Variants in TEX11 observed in about 807,000 individuals in gnomAD.
The protein encoded by TEX11 is testis-expressed protein 11.
TEX11 carries 7 observed loss-of-function variants against 84.4 expected under a neutral mutation model. The observed-to-expected ratio is 0.08, with a 90% CI of 0.05 to 0.16. TEX11 has a LOEUF of 0.16. TEX11 is among the 10% of genes least tolerant of loss of function. The pLI is 1.00. For missense variants in TEX11, 551 were observed against 660.5 expected, an observed-to-expected ratio of 0.83 and a Z score of 1.82; for synonymous variants, 264 against 222.8, an observed-to-expected ratio of 1.18 and a Z score of -1.64.
rs376793868 is a variant in TEX11, at chrX:70,744,182, T to C, written c.730A>G (p.Thr244Ala). 9.5e-7 allele frequency: 1 copy of C among 1,050,176 alleles called. No homozygotes were observed. The highest frequency in any genetic ancestry group is 1.2e-6 in the Non-Finnish European group (1 of 809,398). The allele number at this position is 1,050,176 out of a possible 1,213,427, so 86.5% of individuals were successfully genotyped here. ...YDIGKMDKKS[T>A]GPEMLAKVLR... ...ATCCTTACCAGCATTTCTGGCCCAG[T>C]AGATTTCTTATCCATCTTCCCAATA... Residue 244 changes from threonine (T) to alanine (A), a missense_variant, in exon 10 of 30, where the codon ACT (threonine) becomes GCT (alanine). Thr to Ala is a moderately conservative substitution (Grantham distance 58). Transcript: ENST00000374333.
chrX:70,532,410 G>A (rs769724340), intron 28 of TEX11, among the ~76,000 whole-genome samples: 1 of 112,560 alleles, frequency 8.9e-6, no homozygotes, highest in Admixed American at 9.4e-5. Flanking sequence ...ACAGACCTCC[G>A]TGTGGGAAAA....
chrX:70,768,605 A>C (rs996228935), intron 9 of TEX11, among the ~76,000 whole-genome samples: 3 of 111,349 alleles, frequency 2.7e-5, no homozygotes, highest in African/African-American at 9.8e-5. Context: ...CAAAGGGGGA[A>C]GAGCCCCTGA....
At chrX:70,813,187 C>A (rs2091267315) in intron 8 of TEX11, among the ~76,000 whole-genome samples, 1 of 111,694 alleles carries the variant, frequency 9.0e-6, no homozygotes, top group African/African-American at 3.3e-5. Flanking sequence ...AACATCAATG[C>A]AAAAATCCTC....
chrX:70,614,905 G>A (rs1214595303), intron 20 of TEX11, among the ~76,000 whole-genome samples: 1 of 111,016 alleles, frequency 9.0e-6, no homozygotes, highest in Non-Finnish European at 1.9e-5. Context: ...GTTTCTGCTT[G>A]GTAATCTAGA....
intron 13 of TEX11, among the ~76,000 whole-genome samples, chrX:70,710,213 C>T (rs1230935346): frequency 2.7e-5 from 3 of 110,941 alleles, no homozygotes; most frequent in African/African-American, 6.5e-5. Flanking sequence ...TGCACCAATA[C>T]GCATAAGGAA....
At chrX:70,897,001 G>A (rs1377211673) in intron 2 of TEX11, among the ~76,000 whole-genome samples, 4 of 106,111 alleles carry the variant, frequency 3.8e-5, no homozygotes, top group Non-Finnish European at 7.7e-5. Flanking sequence ...ATGTGGTGGC[G>A]TGCACCTGCA....
At chrX:70,777,027 A>C (rs1040856843) in intron 9 of TEX11, among the ~76,000 whole-genome samples, 3 of 108,258 alleles carry the variant, frequency 2.8e-5, no homozygotes, top group African/African-American at 6.7e-5. Context: ...ATATTCTTTT[A>C]TTTATTTATT....
chrX:70,849,459 A>G (rs1233173181), intron 7 of TEX11, among the ~76,000 whole-genome samples: 1 of 112,045 alleles, frequency 8.9e-6, no homozygotes, highest in Non-Finnish European at 1.9e-5. Flanking sequence ...AACCTAGCAT[A>G]GTAGTCTGTT....
At chrX:70,562,792 A>C (rs1228050017) in intron 25 of TEX11, among the ~76,000 whole-genome samples, 1 of 112,311 alleles carries the variant, frequency 8.9e-6, no homozygotes, top group Non-Finnish European at 1.9e-5. Flanking sequence ...ATTACCCTAA[A>C]GATTCTCTCA....
chrX:70,750,941 T>TATATATATATATATAC (rs2090818059), intron 9 of TEX11, among the ~76,000 whole-genome samples: 3 of 61,859 alleles, frequency 4.8e-5, no homozygotes, highest in Non-Finnish European at 2.8e-5. Context: ...AAAATATATA[T>TATATATATATATATAC]ATATATATAT....
chrX:70,612,251 C>T (rs1488981417), intron 20 of TEX11, among the ~76,000 whole-genome samples: 1 of 111,224 alleles, frequency 9.0e-6, no homozygotes, highest in Non-Finnish European at 1.9e-5. Flanking sequence ...ACATCATGCC[C>T]AGCTTTTAAG....
chrX:70,622,593 A>C (rs1404954893), intron 20 of TEX11, among the ~76,000 whole-genome samples: 1 of 112,060 alleles, frequency 8.9e-6, no homozygotes, highest in Non-Finnish European at 1.9e-5. Flanking sequence ...AAAGATAAAT[A>C]CAAATATAGT....
intron 25 of TEX11, among the ~76,000 whole-genome samples, chrX:70,559,619 G>A (rs755475134): frequency 9.0e-6 from 1 of 111,469 alleles, no homozygotes; most frequent in Non-Finnish European, 1.9e-5. Context: ...TATTCTTTTG[G>A]GACCAACTTC....
chrX:70,679,731 T>TG (rs750511095), intron 14 of TEX11, among the ~76,000 whole-genome samples: 193 of 95,676 alleles, frequency 2.0e-3, no homozygotes, highest in African/African-American at 6.6e-3. Context: ...GGCAGGGAGG[T>TG]GGGGGGGTCA....
chrX:70,634,826 T>C (rs1369572872), intron 17 of TEX11, among the ~76,000 whole-genome samples: 1 of 111,905 alleles, frequency 8.9e-6, no homozygotes, highest in Non-Finnish European at 1.9e-5. Context: ...GAAGAAAACA[T>C]GAGACCTTTT....
At chrX:70,728,125 A>G (rs761919644) in intron 11 of TEX11, among the ~76,000 whole-genome samples, 1 of 112,819 alleles carries the variant, frequency 8.9e-6, no homozygotes, top group East Asian at 2.8e-4. Flanking sequence ...ATGGCTGTCA[A>G]AGGGTGGTCC....
chrX:70,670,493 G>T lies in TEX11; in HGVS notation c.1264C>A (p.Leu422Ile). 8.3e-7 allele frequency: 1 copy of T among 1,198,939 alleles called. No individual in the cohort carries two copies. Among genetic ancestry groups the T allele is most frequent in the East Asian group, 3.0e-5 (1 of 33,360 alleles). The change falls in exon 16 of 30, where the codon CTA becomes ATA. Residue 422 changes from leucine to isoleucine, a missense_variant. By Grantham distance (5) the Leu-to-Ile change is conservative. Transcript: ENST00000374333. ...SFEVQNYTDALQWYYYSLRFY... is the reference protein window; with the variant it reads ...SFEVQNYTDAIQWYYYSLRFY... ...CTCAGAGAATAATAGTACCATTGTA[G>T]GGCATCAGTGTAATTTTGTACCTAA...
chrX:70,697,900 T>C (rs1857040503), intron 13 of TEX11, among the ~76,000 whole-genome samples: 1 of 112,105 alleles, frequency 8.9e-6, no homozygotes, highest in Non-Finnish European at 1.9e-5. Context: ...CTTGAAAACA[T>C]GTAATCTGAC....
In TEX11 at chrX:70,817,254, T is replaced by TAC. The variant is rs57325193; in HGVS notation, c.607-10466_607-10465dup. On this transcript the variant is annotated intron_variant, in intron 8 of 29. Coordinates refer to ENST00000374333, the MANE Select transcript of TEX11 (RefSeq NM_031276.3). ...ATACACACACACACACATATATATATACACACACACACACACACACACACA... is the reference window on the plus strand; with the variant it reads ...ATACACACACACACACATATATATATACACACACACACACACACACACACACA... 3.1e-3 allele frequency among the ~76,000 whole-genome samples: 253 copies of TAC among 82,391 alleles called. 4 individuals are homozygous for TAC. Among genetic ancestry groups the TAC allele is most frequent in the Middle Eastern group, 7.4e-3 (1 of 135 alleles). 71.5% of individuals were successfully genotyped at this position (82,391 alleles called of 115,157 possible).
Sources: allele counts gnomAD v4.1 joint callset (sites outside exome capture counted in the v4.1 genomes callset), GRCh38; gene constraint gnomAD v4.1.1; transcripts MANE v1.5; gene names NCBI Gene and HGNC (gene_info 2026-07-23, HGNC 2026-07-21).